Variants in FOXP1 observed in about 807,000 individuals in gnomAD.
FOXP1 encodes the protein forkhead box protein P1.
In FOXP1, 15 loss-of-function variants were observed where a neutral mutation model predicts 98.2. That is an observed-to-expected ratio of 0.15 (90% CI 0.10 to 0.24). The LOEUF (loss-of-function observed/expected upper bound fraction) is 0.24. FOXP1 is among the 10% of genes least tolerant of loss of function. The pLI is 1.00. For missense variants in FOXP1, 633 were observed against 848.5 expected (o/e 0.75, Z 3.15); for synonymous variants, 371 against 314.5 (o/e 1.18, Z -1.90).
At chr3:71,204,651 T>A (rs1384727220) in intron 5 of FOXP1, among the ~76,000 whole-genome samples, 1 of 152,030 alleles carries the variant, frequency 6.6e-6, no homozygotes, top group Admixed American at 6.6e-5. Context: ...GTGGAGGGGA[T>A]GACAAATGAG....
rs181685785 is a variant in FOXP1 at position 71,234,272 on chromosome 3, C to T, written c.-11-35880G>A. On this transcript the variant is annotated intron_variant, in intron 5 of 20. Transcript: ENST00000649528. ...CAGGGACAAACACCTCAAAACACAA[C>T]GGAGTAAAAGGACACTAACCATTCA... Among the ~76,000 whole-genome samples, 50 of 152,208 alleles carry T rather than the reference C, an allele frequency of 3.3e-4. 1 individual carries two copies. In the East Asian group the frequency reaches 6.2e-3, roughly 19 times the overall value.
intron 6 of FOXP1, chr3:71,131,003 C>A (rs958606784): frequency 9.9e-5 from 84 of 848,520 alleles, no homozygotes; most frequent in Non-Finnish European, 1.2e-4. Context: ...GAAACCTGCT[C>A]TTGAGATATT....
chr3:71,154,276 A>T (rs11925570), intron 6 of FOXP1, among the ~76,000 whole-genome samples: 4,450 of 152,162 alleles, frequency 0.029, 219 homozygotes, highest in African/African-American at 0.1. Flanking sequence ...TTTGAAATAT[A>T]TAATACATTA....
intron 5 of FOXP1, among the ~76,000 whole-genome samples, chr3:71,290,302 T>A (rs2072608825): frequency 6.6e-6 from 1 of 152,228 alleles, no homozygotes; most frequent in African/African-American, 2.4e-5. Flanking sequence ...ATCCTATTGA[T>A]TATATCCCGT....
At chr3:71,561,478 G>A (rs557324933) in intron 2 of FOXP1, among the ~76,000 whole-genome samples, 1 of 150,674 alleles carries the variant, frequency 6.6e-6, no homozygotes, top group Non-Finnish European at 1.5e-5. Flanking sequence ...GACCCGTTGT[G>A]ATTACAGTAT....
At chr3:71,110,431 C>G (rs898856392) in intron 7 of FOXP1, among the ~76,000 whole-genome samples, 2 of 152,002 alleles carry the variant, frequency 1.3e-5, no homozygotes, top group African/African-American at 4.8e-5. Flanking sequence ...TTCATTTTCC[C>G]AATGCACTTG....
chr3:71,518,331 G>A (rs983341341), intron 2 of FOXP1, among the ~76,000 whole-genome samples: 2 of 151,966 alleles, frequency 1.3e-5, no homozygotes, highest in Non-Finnish European at 2.9e-5. Flanking sequence ...GCAAGCTCAA[G>A]GTCAGTCAAC....
chr3:71,124,914 C>T (rs2059051398), intron 6 of FOXP1, among the ~76,000 whole-genome samples: 1 of 152,228 alleles, frequency 6.6e-6, no homozygotes, highest in Non-Finnish European at 1.5e-5. Flanking sequence ...AAAGTTGCAG[C>T]ATCCTCTCTT....
At chr3:71,449,831 C>T (rs12492180) in intron 3 of FOXP1, among the ~76,000 whole-genome samples, 97,495 of 152,022 alleles carry the variant, frequency 0.64, 32,934 homozygotes, top group Non-Finnish European at 0.74. Flanking sequence ...TAAATATTCA[C>T]AAAGTTTATT....
chr3:71,128,547 T>C (rs2059373795), intron 6 of FOXP1, among the ~76,000 whole-genome samples: 1 of 152,186 alleles, frequency 6.6e-6, no homozygotes. Context: ...TCTGATAAAT[T>C]ACGTTGTACC....
rs2069499345 is a variant in FOXP1, at chr3:71,264,980, T to C, written c.-12+34840A>G. ...CAAGATCACATAGCGAGAAAGGTGC[T>C]GAGCTGGAATGCAGTCTGGCTCATC... On this transcript the variant is annotated intron_variant, in intron 5 of 20. Coordinates refer to ENST00000649528, the MANE Select transcript of FOXP1 (RefSeq NM_001349338.3). 2.0e-5 allele frequency among the ~76,000 whole-genome samples: 3 copies of C among 152,302 alleles called. No individual in the cohort carries two copies. In the South Asian group the frequency reaches 6.2e-4, roughly 32 times the overall value.
chr3:71,044,995 G>C (rs1251210298), intron 10 of FOXP1, among the ~76,000 whole-genome samples: 2 of 152,142 alleles, frequency 1.3e-5, no homozygotes, highest in Non-Finnish European at 2.9e-5. Context: ...CAACATGACT[G>C]AATTCTCTAG....
chr3:71,363,814 A>G (rs1360632760), intron 3 of FOXP1, among the ~76,000 whole-genome samples: 1 of 152,214 alleles, frequency 6.6e-6, no homozygotes, highest in Non-Finnish European at 1.5e-5. Context: ...AGTTCTAACC[A>G]AATAGATGGA....
intron 7 of FOXP1, among the ~76,000 whole-genome samples, chr3:71,101,704 G>T (rs2056978568): frequency 6.8e-6 from 1 of 147,962 alleles, no homozygotes. Context: ...AACACCACAA[G>T]GAAGCAGCAG....
At chr3:71,276,998 G>A (rs1297281936) in intron 5 of FOXP1, among the ~76,000 whole-genome samples, 1 of 136,672 alleles carries the variant, frequency 7.3e-6, no homozygotes, top group African/African-American at 2.8e-5. Flanking sequence ...TCACTCTGTC[G>A]CCCAGGCTGG....
At position 71,200,782 on chromosome 3, in the gene FOXP1, T is replaced by A. The variant is rs1371778793; in HGVS notation, c.-11-2390A>T. On this transcript the variant is annotated intron_variant, in intron 5 of 20. Transcript: ENST00000649528. ...AAATGTGACAACAGGGAAATTTCAA[T>A]CTTTGGGTATCTTTAGAGGACATTG... 5.3e-5 allele frequency among the ~76,000 whole-genome samples: 8 copies of A among 152,254 alleles called. No individual in the cohort carries two copies. The East Asian group carries it at 1.5e-3, about 29-fold the overall frequency.
chr3:71,097,261 A>G (rs1226600824), intron 7 of FOXP1, among the ~76,000 whole-genome samples: 1 of 152,228 alleles, frequency 6.6e-6, no homozygotes, highest in African/African-American at 2.4e-5. Context: ...ATGTTTTGTG[A>G]TGTGAAAATT....
In FOXP1 at chr3:71,113,712, C is replaced by CAAAATAAAATGAAATAAAATAAAAT. The variant is rs1553744572; in HGVS notation, c.181-1076_181-1075insATTTTATTTTATTTCATTTTATTTT. ...TGGGTAACAGAATAAGCTTCCATCTCAAAATAAAATAAAATAAAATAAAAT... is the reference window on the plus strand; with the variant it reads ...TGGGTAACAGAATAAGCTTCCATCTCAAAATAAAATGAAATAAAATAAAATAAAATAAAATAAAATAAAATAAAAT... On this transcript the variant is annotated intron_variant, in intron 6 of 20. Transcript: ENST00000649528. Among the ~76,000 whole-genome samples the CAAAATAAAATGAAATAAAATAAAAT allele has an allele frequency of 1.6e-4, 16 of 102,410 alleles. No individual in the cohort carries two copies. The Admixed American group carries it at 1.6e-3, about 10-fold the overall frequency. 67.2% of individuals were successfully genotyped at this position (102,410 alleles called of 152,430 possible). A position where few individuals can be genotyped will look rare whatever the true frequency, so the allele number is the denominator to read the frequency against.
intron 3 of FOXP1, among the ~76,000 whole-genome samples, chr3:71,381,437 C>CTTTTTTTTTTTTTTTTTTT: frequency 1.3e-5 from 1 of 77,694 alleles, no homozygotes; most frequent in Non-Finnish European, 2.4e-5. Flanking sequence ...TGCGCCTGGC[C>CTTTTTTTTTTTTTTTTTTT]TTTTTTTTTT....
Sources: allele counts gnomAD v4.1 joint callset (sites outside exome capture counted in the v4.1 genomes callset), GRCh38; gene constraint gnomAD v4.1.1; transcripts MANE v1.5; gene names NCBI Gene and HGNC (gene_info 2026-07-23, HGNC 2026-07-21).